Variants in KLK14 observed in about 807,000 individuals in gnomAD.
KLK14 encodes the protein kallikrein related peptidase 14, also known as kallikrein-14.
In KLK14, 21 loss-of-function variants were observed where a neutral mutation model predicts 24.6. The observed-to-expected ratio is 0.85, with a 90% CI of 0.61 to 1.23. The LOEUF is 1.23. Ranked by LOEUF, KLK14 falls within the 50% of genes most tolerant of loss-of-function variation. The pLI, the probability that KLK14 is intolerant of heterozygous loss-of-function variation, is 0.00. For synonymous variants in KLK14, 133 were observed against 139.7 expected (o/e 0.95, Z 0.34); for missense variants, 320 against 338.9 (o/e 0.94, Z 0.44).
At chr19:51,083,033 C>G (rs969941507), upstream of KLK14, among the ~76,000 whole-genome samples, 1 of 151,918 alleles carries the variant, frequency 6.6e-6, no homozygotes, top group Non-Finnish European at 1.5e-5. Context: ...CCTCCCTCCC[C>G]TGTCTGGCCA....
intron 2 of KLK14, 41 bp from the exon 3 acceptor site, chr19:51,081,744 A>G (rs776176147): frequency 6.9e-7 from 1 of 1,454,744 alleles, no homozygotes; most frequent in South Asian, 1.4e-5. Flanking sequence ...TAGATGAGCA[A>G]ACACTCTCCA....
At chr19:51,079,253 G>A (rs1251606584) in intron 4 of KLK14, among the ~76,000 whole-genome samples, 196 bp downstream of exon 4, 4 of 133,084 alleles carry the variant, frequency 3.0e-5, no homozygotes, top group Non-Finnish European at 1.6e-5. Flanking sequence ...TCCCTCAGAC[G>A]TATGAGTCCA....
Position 51,082,810 on chromosome 19 carries a change from C to T in KLK14, c.-111G>A, listed in dbSNP as rs1419855575. On this transcript the variant is annotated 5_prime_UTR_variant, in exon 1 of 6. Coordinates refer to ENST00000650543, the MANE Select transcript of KLK14 (RefSeq NM_001369775.2). The stretch of plus-strand genomic sequence containing the variant: ...GGGCGGGGCCTGCAGGCTCTGCGGG[C>T]GGCAGGTGGGAGGATGTGGAGCAGG... The T allele has an allele frequency of 3.0e-5, 48 of 1,584,514 alleles. No individual in the cohort carries two copies. The highest frequency in any genetic ancestry group is 4.0e-5 in the Non-Finnish European group (47 of 1,163,806).
At chr19:51,079,297 C>T (rs2091823772) in intron 4 of KLK14, 152 bp downstream of exon 4, 2 of 812,494 alleles carry the variant, frequency 2.5e-6, no homozygotes, top group Non-Finnish European at 1.9e-6. Flanking sequence ...CCCAGGAGTC[C>T]AGGCCTCAGC....
intron 3 of KLK14, 85 bp from the exon 4 acceptor site, chr19:51,079,787 TGAC>T (rs1349943203): frequency 6.8e-7 from 1 of 1,478,126 alleles, no homozygotes; most frequent in Non-Finnish European, 9.0e-7. Context: ...CCTGGCCGGG[TGAC>T]GAGTCTTCCC....
rs200139723 is a variant in KLK14, at chr19:51,078,017, C to T, written c.746G>A (p.Arg249Gln). 166 of 1,613,742 alleles carry T rather than the reference C, an allele frequency of 1.0e-4. 3 individuals are homozygous for T. The South Asian group carries it at 1.6e-3, about 16-fold the overall frequency. Residue 249 changes from arginine to glutamine, a missense_variant, in exon 6 of 6, where the codon CGG becomes CAG. Physicochemically the swap from Arg to Gln is conservative, Grantham distance 43. Coordinates refer to ENST00000650543, the MANE Select transcript of KLK14 (RefSeq NM_001369775.2). The surrounding 1 kb of genome is among the most constrained non-coding windows in gnomAD (Gnocchi z 5.0). ...KYRSWIEETM[R>Q]DK ...CCACCGTGAAGACCATCATTTGTCC[C>T]GCATCGTTTCCTCAATCCAGCTTCT...
rs2091819967 is a variant in KLK14 at position 51,078,956 on chromosome 19, G to A, written c.467-5C>T. ...GCAGAGAGGCGGGGTACCTGGCTGG[G>A]GGACACTGCAGGGTTATAACTGGGT... On this transcript the variant is annotated splice_polypyrimidine_tract_variant and splice_region_variant and intron_variant, in intron 4 of 5. Coordinates refer to ENST00000650543, the MANE Select transcript of KLK14 (RefSeq NM_001369775.2). The surrounding 1 kb of genome is among the most constrained non-coding windows in gnomAD (Gnocchi z 5.0). 6.2e-7 allele frequency: 1 copy of A among 1,613,354 alleles called. No individual in the cohort carries two copies. The highest frequency in any genetic ancestry group is 1.3e-5 in the African/African-American group (1 of 74,984).
chr19:51,082,629 G>T lies in KLK14; in HGVS notation c.-15C>A. 1 of 1,614,158 alleles carries T rather than the reference G, an allele frequency of 6.2e-7. No homozygotes were observed. Among genetic ancestry groups the T allele is most frequent in the Non-Finnish European group, 8.5e-7 (1 of 1,180,036 alleles). On this transcript the variant is annotated 5_prime_UTR_variant, in exon 2 of 6. Coordinates refer to ENST00000650543, the MANE Select transcript of KLK14 (RefSeq NM_001369775.2). ...AGGAGGAACATTTTAGGGGCTGAGG[G>T]CCAGGTCCTGTCAAATGCAGAGAAA...
rs1056870491 is a variant in KLK14, at chr19:51,079,367, C to G, written c.466+82G>C. 7 of 1,383,644 alleles carry G rather than the reference C, an allele frequency of 5.1e-6. No homozygotes were observed. In the African/African-American group the frequency reaches 1.0e-4, roughly 20 times the overall value. The allele number at this position is 1,383,644 out of a possible 1,614,324, so 85.7% of individuals were successfully genotyped here. On this transcript the variant is annotated intron_variant, in intron 4 of 5. Coordinates refer to ENST00000650543, the MANE Select transcript of KLK14 (RefSeq NM_001369775.2). ...GCCCCTCCTCCCTCAGACCCAGGAGCCCCAGTCCCCCCAGCTCCACCTCCT... is the reference window on the plus strand; with the variant it reads ...GCCCCTCCTCCCTCAGACCCAGGAGGCCCAGTCCCCCCAGCTCCACCTCCT...
rs568056427 is a variant in KLK14 at position 51,081,587 on chromosome 19, C to T, written c.157G>A (p.Gly53Arg). ...LAGPRRRFLC[G>R]GALLSGQWVI... The stretch of plus-strand genomic sequence containing the variant: ...CACTGGCCTGAAAGCAGGGCGCCTC[C>T]GCAGAGGAAGCGGCGCCTGGGACCC... The change falls in exon 3 of 6, where the codon GGA (glycine) becomes AGA (arginine). Residue 53 changes from glycine (G) to arginine (R), a missense_variant. Physicochemically the swap from Gly to Arg is moderately radical, Grantham distance 125. Transcript: ENST00000650543. The T allele has an allele frequency of 4.1e-5, 64 of 1,549,662 alleles. No individual in the cohort carries two copies. In the South Asian group the frequency reaches 5.0e-4, roughly 12 times the overall value.
rs61750927 is a variant in KLK14, at chr19:51,081,610, C to T, written c.134G>A (p.Gly45Asp). 2.4e-3 allele frequency: 3,769 copies of T among 1,551,120 alleles called. 3 individuals are homozygous for T. The highest frequency in any genetic ancestry group is 3.1e-3 in the Non-Finnish European group (3,581 of 1,146,674). ...SQPWQAALLA[G>D]PRRRFLCGGA... Reference sequence around the variant, plus strand: ...TCCGCAGAGGAAGCGGCGCCTGGGACCCGCCAGCAGGGCCGCCTGCCACGG... The same window carrying T: ...TCCGCAGAGGAAGCGGCGCCTGGGATCCGCCAGCAGGGCCGCCTGCCACGG... The change falls in exon 3 of 6, where the codon GGT becomes GAT. Residue 45 changes from glycine (G) to aspartate (D), a missense_variant. By Grantham distance (94) the Gly-to-Asp change is moderately conservative. Transcript: ENST00000650543.
chr19:51,080,185 T>TA (rs201009355), intron 3 of KLK14, among the ~76,000 whole-genome samples: 3,004 of 135,270 alleles, frequency 0.022, 38 homozygotes, highest in African/African-American at 0.036. Context: ...TTTATTTATT[T>TA]TTTTTTTGTG....
chr19:51,078,164 G>A lies in KLK14; in HGVS notation c.604-5C>T, dbSNP rs202109551. ...CAGGGGTCCCCCAGAGTCACCCTGAGGGGGAGGAACAGAAATGGAGACACT... is the reference window on the plus strand; with the variant it reads ...CAGGGGTCCCCCAGAGTCACCCTGAAGGGGAGGAACAGAAATGGAGACACT... On this transcript the variant is annotated splice_polypyrimidine_tract_variant and splice_region_variant and intron_variant, in intron 5 of 5. Coordinates refer to ENST00000650543, the MANE Select transcript of KLK14 (RefSeq NM_001369775.2). This position sits in a 1 kb window ranked among gnomAD's most constrained non-coding sequence, Gnocchi z 5.0. 3.3e-5 allele frequency: 54 copies of A among 1,613,026 alleles called. No homozygotes were observed. The African/African-American group carries it at 6.5e-4, about 20-fold the overall frequency.
upstream of KLK14, among the ~76,000 whole-genome samples, chr19:51,083,270 G>T (rs73596517): frequency 9.4e-6 from 1 of 106,448 alleles, no homozygotes; most frequent in Admixed American, 1.2e-4. Context: ...AGGGAGTCAC[G>T]GGAGGAGGGA....
Position 51,082,769 on chromosome 19 carries a change from G to A in KLK14, c.-70C>T. On this transcript the variant is annotated 5_prime_UTR_variant, in exon 1 of 6. Transcript: ENST00000650543. ...ACATGAAGACACAGCAGAGAGGTAGGGACCAGAGACGAGGGGGGCGGGGCC... is the reference window on the plus strand; with the variant it reads ...ACATGAAGACACAGCAGAGAGGTAGAGACCAGAGACGAGGGGGGCGGGGCC... 4 of 1,612,430 alleles carry A rather than the reference G, an allele frequency of 2.5e-6. No homozygotes were observed. The highest frequency in any genetic ancestry group is 1.3e-5 in the African/African-American group (1 of 74,992).
upstream of KLK14, chr19:51,082,918 C>A: frequency 4.0e-6 from 3 of 741,836 alleles, no homozygotes; most frequent in Non-Finnish European, 6.6e-6. Context: ...GCCTTTTATC[C>A]CTGGTAAGGA....
At chr19:51,081,832 T>A in intron 2 of KLK14, 129 bp from the exon 3 acceptor site, 1 of 822,286 alleles carries the variant, frequency 1.2e-6, no homozygotes, top group Non-Finnish European at 1.8e-6. Context: ...CGCCTCTATC[T>A]GTCCCACCCA....
upstream of KLK14, chr19:51,083,000 T>TC (rs2091850277): frequency 3.5e-6 from 2 of 566,738 alleles, no homozygotes; most frequent in Non-Finnish European, 6.3e-6. Context: ...TAGTTCCCAT[T>TC]CCAGGACTCC....
intron 3 of KLK14, among the ~76,000 whole-genome samples, chr19:51,081,256 T>G (rs2091837107): frequency 6.6e-6 from 1 of 152,220 alleles, no homozygotes; most frequent in Non-Finnish European, 1.5e-5. Flanking sequence ...ATGTAATGTG[T>G]GGCCTCTGGA....
Sources: allele counts gnomAD v4.1 joint callset (sites outside exome capture counted in the v4.1 genomes callset), GRCh38; gene constraint gnomAD v4.1.1; non-coding constraint Gnocchi (gnomAD v3.1); transcripts MANE v1.5; gene names NCBI Gene and HGNC (gene_info 2026-07-23, HGNC 2026-07-21).